Variants in SPIRE1 observed in about 807,000 individuals in gnomAD.
SPIRE1 encodes protein spire homolog 1.
SPIRE1 carries 40 observed loss-of-function variants against 94.1 expected under a neutral mutation model. The ratio of observed to expected loss-of-function variants is 0.43; its 90% CI spans 0.33 to 0.55. The LOEUF (loss-of-function observed/expected upper bound fraction) is 0.55, where lower values mean the gene tolerates loss of function less well. SPIRE1 is among the 20% of genes least tolerant of loss of function. The probability of loss-of-function intolerance (pLI) is 0.06; values close to 1 mark genes in which losing one functional copy is unlikely to be tolerated. For synonymous variants in SPIRE1, 376 were observed against 371.7 expected (o/e 1.01, Z -0.13); for missense variants, 838 against 975.2 (o/e 0.86, Z 1.87).
intron 2 of SPIRE1, among the ~76,000 whole-genome samples, chr18:12,581,879 T>C (rs2036266844): frequency 6.6e-6 from 1 of 151,950 alleles, no homozygotes. Flanking sequence ...AAAATCATTA[T>C]GAGAGACTGT....
chr18:12,452,630 C>A, intron 14 of SPIRE1, 118 bp from the exon 15 acceptor site: 2 of 1,016,002 alleles, frequency 2.0e-6, no homozygotes, highest in Admixed American at 3.6e-5. Flanking sequence ...ACTCTCCCTT[C>A]TTCTATTAGA....
chr18:12,571,472 AT>A (rs1473094538), intron 2 of SPIRE1, among the ~76,000 whole-genome samples: 1 of 152,180 alleles, frequency 6.6e-6, no homozygotes, highest in Non-Finnish European at 1.5e-5. Flanking sequence ...AAACTGGCCA[AT>A]CTGGGTATGC....
chr18:12,624,542 C>CAAAAAAA (rs549240260), intron 2 of SPIRE1, among the ~76,000 whole-genome samples: 1 of 75,672 alleles, frequency 1.3e-5, no homozygotes. Flanking sequence ...GACACTGACT[C>CAAAAAAA]AAAAAAAAAA....
At chr18:12,616,099 C>T (rs1402936247) in intron 2 of SPIRE1, among the ~76,000 whole-genome samples, 3 of 152,176 alleles carry the variant, frequency 2.0e-5, no homozygotes, top group African/African-American at 7.2e-5. Flanking sequence ...AAGGCAGTCT[C>T]ACAGTCTCCT....
intron 6 of SPIRE1, among the ~76,000 whole-genome samples, chr18:12,501,258 G>C (rs2033654709): frequency 6.6e-6 from 1 of 152,106 alleles, no homozygotes; most frequent in South Asian, 2.1e-4. Flanking sequence ...AAGCATATTT[G>C]TGGTTACCAG....
chr18:12,525,162 A>T (rs1417117345), intron 4 of SPIRE1, among the ~76,000 whole-genome samples: 2 of 150,974 alleles, frequency 1.3e-5, no homozygotes, highest in African/African-American at 4.9e-5. Flanking sequence ...CTATAGTCCC[A>T]GCTACTCAGG....
rs2031289680 is a variant in SPIRE1, at chr18:12,452,400, C to A, written c.1876-9G>T. 1 of 1,614,090 alleles carries A rather than the reference C, an allele frequency of 6.2e-7. No individual in the cohort carries two copies. The highest frequency in any genetic ancestry group is 8.5e-7 in the Non-Finnish European group (1 of 1,180,022). On this transcript the variant is annotated splice_polypyrimidine_tract_variant and intron_variant, in intron 15 of 16. Transcript: ENST00000409402. Reference sequence around the variant, plus strand: ...TTGGAGGGCAGCCGCATCTATTATCCCAAATAAAACTGGCAATGAGCAGTA... The same window carrying A: ...TTGGAGGGCAGCCGCATCTATTATCACAAATAAAACTGGCAATGAGCAGTA...
intron 2 of SPIRE1, among the ~76,000 whole-genome samples, chr18:12,620,642 A>T (rs1217624984): frequency 6.6e-6 from 1 of 152,254 alleles, no homozygotes; most frequent in African/African-American, 2.4e-5. Context: ...CAAACCATAT[A>T]CAAAAATTAA....
intron 2 of SPIRE1, among the ~76,000 whole-genome samples, chr18:12,610,181 G>A (rs1476602003): frequency 2.6e-5 from 4 of 151,800 alleles, no homozygotes; most frequent in African/African-American, 4.8e-5. Context: ...TCTAGTTGCC[G>A]GTTTACTGTC....
At chr18:12,572,270 C>G (rs907468331) in intron 2 of SPIRE1, among the ~76,000 whole-genome samples, 1 of 152,150 alleles carries the variant, frequency 6.6e-6, no homozygotes, top group African/African-American at 2.4e-5. Flanking sequence ...AAAATTAATA[C>G]AGGCCACTGA....
chr18:12,504,773 C>T (rs759279142), intron 6 of SPIRE1, among the ~76,000 whole-genome samples: 6 of 152,002 alleles, frequency 3.9e-5, no homozygotes, highest in African/African-American at 4.8e-5. Context: ...TAGTGAAACA[C>T]GAGAGTAAAG....
chr18:12,463,594 A>G, intron 11 of SPIRE1, 101 bp from the exon 12 acceptor site: 1 of 956,170 alleles, frequency 1.0e-6, no homozygotes, highest in South Asian at 1.8e-5. Context: ...TGAATTATTT[A>G]TTTCATTGGA....
chr18:12,630,660 AAAT>A (rs1436348829), intron 2 of SPIRE1, among the ~76,000 whole-genome samples: 5 of 152,170 alleles, frequency 3.3e-5, no homozygotes, highest in African/African-American at 4.8e-5. Context: ...CTGTCTCAAA[AAAT>A]AATAATAATT....
chr18:12,493,784 G>A (rs1301321626), intron 7 of SPIRE1, among the ~76,000 whole-genome samples: 3 of 152,220 alleles, frequency 2.0e-5, no homozygotes, highest in Non-Finnish European at 2.9e-5. Flanking sequence ...GCATGCCACT[G>A]AGCCTGGCTT....
chr18:12,561,056 C>G (rs186431582), intron 2 of SPIRE1, among the ~76,000 whole-genome samples: 9 of 152,310 alleles, frequency 5.9e-5, no homozygotes, highest in Non-Finnish European at 1.5e-5. Flanking sequence ...TTATTACGCA[C>G]TGGATGTCTG....
chr18:12,657,400 C>A (rs919208429), intron 1 of SPIRE1, 130 bp downstream of exon 1: 1 of 742,892 alleles, frequency 1.3e-6, no homozygotes, highest in Non-Finnish European at 1.8e-6. Flanking sequence ...CCCGCCGGAT[C>A]CTCCCGGGGG....
At chr18:12,578,550 A>C (rs970092470) in intron 2 of SPIRE1, among the ~76,000 whole-genome samples, 1 of 152,206 alleles carries the variant, frequency 6.6e-6, no homozygotes, top group African/African-American at 2.4e-5. Context: ...GTGATTACAC[A>C]CTCATCAAAC....
Position 12,657,895 on chromosome 18 carries a change from C to A in SPIRE1, c.-29G>T. ...GCGGGTGGGCGCTGCGCTCGGCAGT[C>A]GCGCCGTGTGCCGGCGTCTCCTCAG... On this transcript the variant is annotated 5_prime_UTR_variant, in exon 1 of 17. Coordinates refer to ENST00000409402, the MANE Select transcript of SPIRE1 (RefSeq NM_001128626.2). 2.9e-6 allele frequency: 3 copies of A among 1,035,054 alleles called. No individual in the cohort carries two copies. Among genetic ancestry groups the A allele is most frequent in the South Asian group, 8.9e-5 (2 of 22,420 alleles). The allele number at this position is 1,035,054 out of a possible 1,614,324, so 64.1% of individuals were successfully genotyped here.
At chr18:12,615,658 A>G (rs972999691) in intron 2 of SPIRE1, among the ~76,000 whole-genome samples, 2 of 151,900 alleles carry the variant, frequency 1.3e-5, no homozygotes, top group Non-Finnish European at 2.9e-5. Flanking sequence ...TCATCAAGCT[A>G]TAACTTAATG....
Sources: allele counts gnomAD v4.1 joint callset (sites outside exome capture counted in the v4.1 genomes callset), GRCh38; gene constraint gnomAD v4.1.1; transcripts MANE v1.5; gene names NCBI Gene and HGNC (gene_info 2026-07-23, HGNC 2026-07-21).